The following EPHA5 variants were observed in gnomAD, a reference collection of about 807,000 sequenced individuals.
EPHA5 encodes the protein ephrin type-A receptor 5.
EPHA5 carries 60 observed loss-of-function variants against 105.0 expected under a neutral mutation model. That is an observed-to-expected ratio of 0.57 (90% CI 0.46 to 0.71). The LOEUF is 0.71. EPHA5 is among the 30% of genes least tolerant of loss of function. The probability of loss-of-function intolerance (pLI) is 0.00; values close to 1 mark genes in which losing one functional copy is unlikely to be tolerated. For missense variants in EPHA5, 1,218 were observed against 1,274.7 expected, an observed-to-expected ratio of 0.96 and a Z score of 0.68; for synonymous variants, 513 against 449.1, an observed-to-expected ratio of 1.14 and a Z score of -1.80.
intron 5 of EPHA5, among the ~76,000 whole-genome samples, chr4:65,470,224 G>C (rs1049154429): frequency 6.7e-6 from 1 of 148,162 alleles, no homozygotes; most frequent in Non-Finnish European, 1.5e-5. Flanking sequence ...ACAGAGTCTC[G>C]CTCTGTCACC....
intron 1 of EPHA5, among the ~76,000 whole-genome samples, chr4:65,666,277 G>T (rs762455630): frequency 2.0e-5 from 3 of 152,160 alleles, no homozygotes; most frequent in Non-Finnish European, 4.4e-5. Flanking sequence ...ACTGTCAGAA[G>T]CACTTTACTG....
chr4:65,603,618 T>C (rs575355495), intron 2 of EPHA5, among the ~76,000 whole-genome samples: 1 of 152,182 alleles, frequency 6.6e-6, no homozygotes, highest in Admixed American at 6.5e-5. Flanking sequence ...ATGGCTCCTC[T>C]CGAAATCTAG....
intron 5 of EPHA5, among the ~76,000 whole-genome samples, chr4:65,460,305 G>A (rs1033217964): frequency 9.2e-5 from 14 of 151,384 alleles, no homozygotes; most frequent in Non-Finnish European, 1.8e-4. Context: ...ATTTCTAAAT[G>A]TGAATTTAAC....
At chr4:65,344,188 A>G (rs1722000550) in intron 14 of EPHA5, among the ~76,000 whole-genome samples, 1 of 152,188 alleles carries the variant, frequency 6.6e-6, no homozygotes, top group Admixed American at 6.5e-5. Flanking sequence ...AGATTTTAGC[A>G]GACATGTTGC....
chr4:65,614,085 T>A (rs1270062155), intron 2 of EPHA5, among the ~76,000 whole-genome samples: 2 of 151,960 alleles, frequency 1.3e-5, no homozygotes, highest in Admixed American at 6.6e-5. Flanking sequence ...ATTAAAAAAA[T>A]TAAGTCTTCA....
chr4:65,425,299 T>C (rs1355707537), intron 5 of EPHA5, among the ~76,000 whole-genome samples: 3 of 152,100 alleles, frequency 2.0e-5, no homozygotes, highest in Non-Finnish European at 4.4e-5. Flanking sequence ...AGGTTAAAAT[T>C]TGGCCAAATG....
chr4:65,656,775 C>T (rs917392746), intron 1 of EPHA5, among the ~76,000 whole-genome samples: 1 of 150,824 alleles, frequency 6.6e-6, no homozygotes, highest in East Asian at 1.9e-4. Context: ...CCACCATGTC[C>T]GGCTAATTTT....
chr4:65,370,129 C>T (rs190264406), intron 8 of EPHA5, among the ~76,000 whole-genome samples: 25 of 152,184 alleles, frequency 1.6e-4, no homozygotes, highest in Non-Finnish European at 3.5e-4. Flanking sequence ...CTCATGGCTT[C>T]AAATTTTATT....
intron 8 of EPHA5, among the ~76,000 whole-genome samples, chr4:65,381,386 T>C (rs1719545734): frequency 6.6e-6 from 1 of 151,738 alleles, no homozygotes; most frequent in African/African-American, 2.4e-5. Flanking sequence ...TGTGCTGAAA[T>C]GTTACATTCA....
chr4:65,663,557 C>T (rs1473640244), intron 1 of EPHA5, among the ~76,000 whole-genome samples: 1 of 151,888 alleles, frequency 6.6e-6, no homozygotes, highest in African/African-American at 2.4e-5. Context: ...GCACTTTTTC[C>T]TTCTGTTTAT....
At chr4:65,410,119 A>G (rs1306496163) in intron 7 of EPHA5, among the ~76,000 whole-genome samples, 1 of 152,224 alleles carries the variant, frequency 6.6e-6, no homozygotes, top group Non-Finnish European at 1.5e-5. Context: ...AAATGTTTAC[A>G]GTATCTTTAT....
At chr4:65,459,445 C>T (rs1215686440) in intron 5 of EPHA5, among the ~76,000 whole-genome samples, 2 of 151,684 alleles carry the variant, frequency 1.3e-5, no homozygotes, top group Non-Finnish European at 3.0e-5. Flanking sequence ...TTTAATATAT[C>T]TTAGTATATA....
chr4:65,463,182 T>C (rs1378315709), intron 5 of EPHA5, among the ~76,000 whole-genome samples: 2 of 152,174 alleles, frequency 1.3e-5, no homozygotes, highest in African/African-American at 4.8e-5. Flanking sequence ...TGTGTTCCTG[T>C]GTGATGCAAG....
intron 3 of EPHA5, chr4:65,573,384 C>T: frequency 2.2e-6 from 2 of 901,006 alleles, no homozygotes; most frequent in Non-Finnish European, 3.1e-6. Context: ...GCACTCCAGC[C>T]TGGGTGACCG....
chr4:65,427,185 CTT>C (rs11443682), intron 5 of EPHA5, among the ~76,000 whole-genome samples: 7 of 129,068 alleles, frequency 5.4e-5, no homozygotes, highest in African/African-American at 8.7e-5. Context: ...CGAGTGTATT[CTT>C]TTTTTTTTTT....
chr4:65,658,417 C>T (rs1749256547), intron 1 of EPHA5, among the ~76,000 whole-genome samples: 1 of 151,996 alleles, frequency 6.6e-6, no homozygotes, highest in African/African-American at 2.4e-5. Flanking sequence ...ATAAGGGCTG[C>T]TTGAGCTATT....
intron 4 of EPHA5, among the ~76,000 whole-genome samples, chr4:65,493,772 C>T (rs978515914): frequency 9.9e-5 from 15 of 151,716 alleles, no homozygotes; most frequent in African/African-American, 3.6e-4. Flanking sequence ...CCCCCTCACG[C>T]CCCACCCCCA....
intron 1 of EPHA5, among the ~76,000 whole-genome samples, chr4:65,649,650 T>C (rs1317619165): frequency 2.0e-5 from 3 of 152,194 alleles, no homozygotes; most frequent in Non-Finnish European, 4.4e-5. Flanking sequence ...CCCTATCTAT[T>C]ATTTCCTCAT....
intron 5 of EPHA5, among the ~76,000 whole-genome samples, chr4:65,427,854 G>A (rs1724597203): frequency 6.6e-6 from 1 of 152,052 alleles, no homozygotes; most frequent in Admixed American, 6.6e-5. Context: ...GTATAATACT[G>A]TCTACACTGA....
Sources: allele counts gnomAD v4.1 joint callset (sites outside exome capture counted in the v4.1 genomes callset), GRCh38; gene constraint gnomAD v4.1.1; transcripts MANE v1.5; gene names NCBI Gene and HGNC (gene_info 2026-07-23, HGNC 2026-07-21).